FAAH2: variants seen among roughly 807,000 people sequenced by gnomAD.
FAAH2 encodes the protein fatty acid amide hydrolase 2.
In FAAH2, 60 loss-of-function variants were observed where a neutral mutation model predicts 36.9. The ratio of observed to expected loss-of-function variants is 1.63; its 90% CI spans 1.32 to 2.02. The LOEUF is 2.02. Among genes scored for constraint, FAAH2 ranks in the 30% most tolerant of loss-of-function variants. The probability of loss-of-function intolerance (pLI) is 0.00; values close to 1 mark genes in which losing one functional copy is unlikely to be tolerated. For synonymous variants in FAAH2, 214 were observed against 143.8 expected (o/e 1.49, Z -3.49); for missense variants, 689 against 397.5 (o/e 1.73, Z -6.23).
chrX:57,288,565 T>G (rs896777843), intron 1 of FAAH2, among the ~76,000 whole-genome samples: 2 of 108,773 alleles, frequency 1.8e-5, no homozygotes, highest in Non-Finnish European at 3.8e-5. Context: ...TTAGCCAGGA[T>G]GGTCTTGATC....
chrX:57,404,871 C>T (rs1302366735), intron 7 of FAAH2, among the ~76,000 whole-genome samples: 2 of 112,155 alleles, frequency 1.8e-5, no homozygotes, highest in East Asian at 5.6e-4. Flanking sequence ...TCTGGCTGCA[C>T]CATGATCTCA....
chrX:57,286,821 C>T lies in FAAH2; in HGVS notation c.-5C>T. 1 of 1,176,545 alleles carries T rather than the reference C, an allele frequency of 8.5e-7. No homozygotes were observed. The highest frequency in any genetic ancestry group is 1.1e-6 in the Non-Finnish European group (1 of 876,355). Reference sequence around the variant, plus strand: ...GCACTAGGACCGTGCGGAATCCAGGCTGCGATGGCACCTTCATTTACCGCC... The same window carrying T: ...GCACTAGGACCGTGCGGAATCCAGGTTGCGATGGCACCTTCATTTACCGCC... On this transcript the variant is annotated 5_prime_UTR_variant, in exon 1 of 11. Coordinates refer to ENST00000374900, the MANE Select transcript of FAAH2 (RefSeq NM_174912.4).
chrX:57,410,840 A>T (rs12687837), intron 7 of FAAH2, among the ~76,000 whole-genome samples: 26,321 of 110,124 alleles, frequency 0.24, 2,531 homozygotes, highest in Middle Eastern at 0.56. Context: ...TCCTGAATTC[A>T]TTTAGTTGTC....
the FAAH2 span, among the ~76,000 whole-genome samples, chrX:57,155,892 A>C: frequency 2.7e-5 from 3 of 111,392 alleles, no homozygotes; most frequent in Non-Finnish European, 5.7e-5. Context: ...CGGCTCTATA[A>C]ATTTACTCAG....
At chrX:57,439,550 T>A (rs1042625642) in intron 8 of FAAH2, among the ~76,000 whole-genome samples, 2 of 111,623 alleles carry the variant, frequency 1.8e-5, no homozygotes, top group African/African-American at 6.5e-5. Context: ...ATTTTGTAGG[T>A]TGCCTGTTCA....
the FAAH2 span, among the ~76,000 whole-genome samples, chrX:57,224,821 T>C: frequency 8.9e-6 from 1 of 112,323 alleles, no homozygotes; most frequent in Non-Finnish European, 1.9e-5. Context: ...TCGTGTTGTC[T>C]GTTGGCATGC....
the FAAH2 span, among the ~76,000 whole-genome samples, chrX:57,162,414 C>G: frequency 9.0e-6 from 1 of 111,716 alleles, no homozygotes; most frequent in Non-Finnish European, 1.9e-5. Context: ...GCCTGTCTTG[C>G]TAGATTGGGG....
At chrX:57,304,440 C>T (rs2052463834) in intron 2 of FAAH2, among the ~76,000 whole-genome samples, 1 of 111,851 alleles carries the variant, frequency 8.9e-6, no homozygotes, top group Admixed American at 9.6e-5. Context: ...TTGCCTTGGA[C>T]ATCCTAGTTT....
chrX:57,485,661 C>A (rs1341259181), intron 10 of FAAH2, among the ~76,000 whole-genome samples: 1 of 111,829 alleles, frequency 8.9e-6, no homozygotes, highest in Non-Finnish European at 1.9e-5. Flanking sequence ...CCTTACCTTT[C>A]CTTAAATAAT....
At chrX:57,477,679 C>A (rs914381564) in intron 10 of FAAH2, among the ~76,000 whole-genome samples, 8 of 103,356 alleles carry the variant, frequency 7.7e-5, no homozygotes, top group Non-Finnish European at 1.2e-4. Flanking sequence ...AAGATGTTTC[C>A]CTTCCTGTGC....
rs1362729726 is a variant in FAAH2, at chrX:57,306,990, C to CATATAT, written c.276-3602_276-3601insTATATA. On this transcript the variant is annotated intron_variant, in intron 2 of 10. Transcript: ENST00000374900. ...ACACACACGTATACACACACACACA[C>CATATAT]ACAGATACATATATATATATATATA... Among the ~76,000 whole-genome samples, 6 of 8,999 alleles carry CATATAT rather than the reference C, an allele frequency of 6.7e-4. 1 individual carries two copies. Among genetic ancestry groups the CATATAT allele is most frequent in the African/African-American group, 7.5e-4 (6 of 8,035 alleles). 7.8% of individuals were successfully genotyped at this position (8,999 alleles called of 115,157 possible).
the FAAH2 span, among the ~76,000 whole-genome samples, chrX:57,220,340 CCAACG>C: frequency 1.2e-4 from 13 of 110,232 alleles, no homozygotes; most frequent in Non-Finnish European, 2.5e-4. Flanking sequence ...ATTCTCCTCC[CCAACG>C]CCCTCTCCTG....
intron 10 of FAAH2, among the ~76,000 whole-genome samples, chrX:57,466,603 A>G (rs943105182): frequency 3.6e-5 from 4 of 110,769 alleles, no homozygotes; most frequent in Non-Finnish European, 7.5e-5. Context: ...GCCAGGCTGG[A>G]TGCAAAAAAT....
chrX:57,420,201 G>A (rs1201985096), intron 7 of FAAH2, among the ~76,000 whole-genome samples: 2 of 106,146 alleles, frequency 1.9e-5, no homozygotes, highest in Admixed American at 2.1e-4. Context: ...TGGCGATGTG[G>A]GCTCTTTTTT....
chrX:57,342,359 G>A (rs954057102), intron 5 of FAAH2, among the ~76,000 whole-genome samples: 2 of 111,049 alleles, frequency 1.8e-5, no homozygotes, highest in Non-Finnish European at 3.8e-5. Context: ...CAAACACTGG[G>A]GACCTTTCAG....
the FAAH2 span, among the ~76,000 whole-genome samples, chrX:57,205,476 A>G: frequency 1.8e-5 from 2 of 112,454 alleles, no homozygotes; most frequent in African/African-American, 3.2e-5. Context: ...GTTCATCTGT[A>G]TGAAATCATA....
At chrX:57,468,606 C>G (rs1449698940) in intron 10 of FAAH2, among the ~76,000 whole-genome samples, 5 of 111,714 alleles carry the variant, frequency 4.5e-5, no homozygotes, top group Non-Finnish European at 9.4e-5. Flanking sequence ...TGTGAAAAGA[C>G]CAAATCTACG....
At chrX:57,309,415 A>G (rs187611492) in intron 2 of FAAH2, among the ~76,000 whole-genome samples, 20 of 112,442 alleles carry the variant, frequency 1.8e-4, no homozygotes, top group African/African-American at 5.8e-4. Context: ...ATTACATCAT[A>G]GGAATTTCCG....
At chrX:57,378,824 C>T in intron 6 of FAAH2, 38 bp downstream of exon 6, 1 of 1,167,680 alleles carries the variant, frequency 8.6e-7, no homozygotes, top group African/African-American at 1.8e-5. Context: ...GACTCTTATC[C>T]TGACATTCAT....
Sources: allele counts gnomAD v4.1 joint callset (sites outside exome capture counted in the v4.1 genomes callset), GRCh38; gene constraint gnomAD v4.1.1; transcripts MANE v1.5; gene names NCBI Gene and HGNC (gene_info 2026-07-23, HGNC 2026-07-21).